Variants in PPM1L observed in about 807,000 individuals in gnomAD.
PPM1L encodes protein phosphatase, Mg2+/Mn2+ dependent 1L.
In PPM1L, 13 loss-of-function variants were observed where a neutral mutation model predicts 31.4. That is an observed-to-expected ratio of 0.41 (90% CI 0.27 to 0.66). The LOEUF (loss-of-function observed/expected upper bound fraction) is 0.66, where lower values mean the gene tolerates loss of function less well. PPM1L is among the 30% of genes least tolerant of loss of function. The pLI is 0.29. For synonymous variants in PPM1L, 184 were observed against 175.4 expected (o/e 1.05, Z -0.39); for missense variants, 326 against 453.7 (o/e 0.72, Z 2.56).
At chr3:160,978,273 G>A (rs1280302576) in intron 2 of PPM1L, among the ~76,000 whole-genome samples, 2 of 152,164 alleles carry the variant, frequency 1.3e-5, no homozygotes, top group Non-Finnish European at 1.5e-5. Flanking sequence ...TAGGCCTGAA[G>A]GCTGAGTGAG....
intron 2 of PPM1L, among the ~76,000 whole-genome samples, chr3:161,029,130 A>G (rs116318096): frequency 0.019 from 2,862 of 152,312 alleles, 82 homozygotes; most frequent in African/African-American, 0.064. Context: ...GGCCGCTCAA[A>G]TATCTGAAAG....
At position 160,885,157 on chromosome 3, in the gene PPM1L, T is replaced by C. The variant is rs577881336; in HGVS notation, c.400-76579T>C. 3.2e-4 allele frequency among the ~76,000 whole-genome samples: 48 copies of C among 152,312 alleles called. No individual in the cohort carries two copies. The South Asian group carries it at 1.0e-2, about 32-fold the overall frequency. On this transcript the variant is annotated intron_variant, in intron 1 of 3. Transcript: ENST00000498165. ...TCTCCACCCCTTCACTGACCTGACC[T>C]AAGGTATTAGAAATCATTCTGTCAA...
chr3:160,961,845 A>G lies in PPM1L; in HGVS notation c.509A>G (p.Glu170Gly). The change falls in exon 2 of 4, where the codon GAA becomes GGA. Residue 170 changes from glutamate to glycine, a missense_variant. Transcript: ENST00000498165. ...GTATTATCTTACCAGACCATCCTTG[A>G]ACAGCAGATTTTGTCAATTGACCGA... ...NSVLSYQTILEQQILSIDREM... is the reference protein window; with the variant it reads ...NSVLSYQTILGQQILSIDREM... The G allele has an allele frequency of 1.9e-6, 3 of 1,598,720 alleles. No individual in the cohort carries two copies. Among genetic ancestry groups the G allele is most frequent in the Non-Finnish European group, 2.6e-6 (3 of 1,173,340 alleles).
chr3:160,805,828 G>A (rs920562377), intron 1 of PPM1L, among the ~76,000 whole-genome samples: 1 of 152,148 alleles, frequency 6.6e-6, no homozygotes, highest in African/African-American at 2.4e-5. Flanking sequence ...GTAGCCCATA[G>A]GCAGAATCTG....
chr3:160,893,110 C>G (rs891690518), intron 1 of PPM1L, among the ~76,000 whole-genome samples: 2 of 152,106 alleles, frequency 1.3e-5, no homozygotes, highest in African/African-American at 4.8e-5. Flanking sequence ...TGCAGTAATA[C>G]TTGGAAGCAA....
At chr3:160,831,392 A>G (rs1282479666) in intron 1 of PPM1L, among the ~76,000 whole-genome samples, 1 of 152,188 alleles carries the variant, frequency 6.6e-6, no homozygotes, top group Non-Finnish European at 1.5e-5. Context: ...TTTTGTCAGT[A>G]ACCCTTTTTA....
At chr3:160,907,235 A>G (rs1487781230) in intron 1 of PPM1L, among the ~76,000 whole-genome samples, 2 of 152,244 alleles carry the variant, frequency 1.3e-5, no homozygotes, top group African/African-American at 4.8e-5. Flanking sequence ...TCAGACTACA[A>G]GAGTAGAACA....
intron 2 of PPM1L, among the ~76,000 whole-genome samples, chr3:161,046,255 A>T (rs1217212421): frequency 1.3e-5 from 2 of 152,038 alleles, no homozygotes; most frequent in African/African-American, 2.4e-5. Flanking sequence ...GATAAAGGGG[A>T]TATCACCACC....
chr3:160,848,981 C>A (rs754139704), intron 1 of PPM1L, among the ~76,000 whole-genome samples: 1 of 152,074 alleles, frequency 6.6e-6, no homozygotes, highest in African/African-American at 2.4e-5. Flanking sequence ...TTATCCAAAG[C>A]GATGGCCTTC....
At position 161,001,053 on chromosome 3, in the gene PPM1L, C is replaced by G. The variant is rs142132286; in HGVS notation, c.574+39143C>G. ...TCAAGAATATAACTTGAGTCTACTT[C>G]AAATTATTGAGATTTAAGATCTGTA... On this transcript the variant is annotated intron_variant, in intron 2 of 3. Transcript: ENST00000498165. Among the ~76,000 whole-genome samples, 356 of 152,256 alleles carry G rather than the reference C, an allele frequency of 2.3e-3. 2 individuals are homozygous for G. The highest frequency in any genetic ancestry group is 0.01 in the Middle Eastern group (3 of 294).
intron 2 of PPM1L, among the ~76,000 whole-genome samples, chr3:160,974,231 A>G (rs994325785): frequency 6.6e-6 from 1 of 151,502 alleles, no homozygotes. Context: ...ATAGTATTCC[A>G]TGGTGTATAT....
chr3:160,761,955 G>A (rs1040875709), intron 1 of PPM1L, among the ~76,000 whole-genome samples: 1 of 152,154 alleles, frequency 6.6e-6, no homozygotes, highest in African/African-American at 2.4e-5. Context: ...CTCTCACTGG[G>A]TCCCTCCCAC....
chr3:161,019,786 T>C (rs988944298), intron 2 of PPM1L, among the ~76,000 whole-genome samples: 1 of 152,174 alleles, frequency 6.6e-6, no homozygotes, highest in Non-Finnish European at 1.5e-5. Context: ...ATATGTCATA[T>C]AATTAGTTGG....
intron 1 of PPM1L, among the ~76,000 whole-genome samples, chr3:160,811,784 G>T (rs570566994): frequency 6.6e-6 from 1 of 152,174 alleles, no homozygotes; most frequent in Non-Finnish European, 1.5e-5. Context: ...AGTAGACTCA[G>T]TGCCTTCCCT....
intron 1 of PPM1L, among the ~76,000 whole-genome samples, chr3:160,871,478 A>G (rs1459437401): frequency 1.3e-5 from 2 of 152,236 alleles, no homozygotes; most frequent in Non-Finnish European, 2.9e-5. Flanking sequence ...AGAAGCATGA[A>G]GAGATTAAGA....
intron 1 of PPM1L, among the ~76,000 whole-genome samples, chr3:160,887,601 G>A (rs1414598389): frequency 7.2e-6 from 1 of 139,264 alleles, no homozygotes; most frequent in African/African-American, 2.7e-5. Context: ...TTTTTTTTGA[G>A]ATGGAGTCTC....
chr3:160,906,457 C>T (rs887181872), intron 1 of PPM1L, among the ~76,000 whole-genome samples: 1 of 152,072 alleles, frequency 6.6e-6, no homozygotes, highest in Non-Finnish European at 1.5e-5. Context: ...CAAAAATTAG[C>T]TGGGTGTGAT....
At chr3:160,798,961 T>C (rs1394872640) in intron 1 of PPM1L, among the ~76,000 whole-genome samples, 4 of 152,204 alleles carry the variant, frequency 2.6e-5, no homozygotes, top group Non-Finnish European at 4.4e-5. Context: ...GATTCCAACC[T>C]TCATGGATGA....
chr3:161,038,104 G>A (rs1336376258), intron 2 of PPM1L, among the ~76,000 whole-genome samples: 2 of 151,190 alleles, frequency 1.3e-5, no homozygotes, highest in South Asian at 4.2e-4. Context: ...CGTAGTGGCG[G>A]GCGCCTGTAG....
Sources: gnomAD v4.1 joint callset for allele counts (sites outside exome capture counted in the v4.1 genomes callset) on GRCh38, gnomAD v4.1.1 for gene constraint, MANE v1.5 for transcripts, NCBI Gene and HGNC (gene_info 2026-07-23, HGNC 2026-07-21) for gene names.